Variants in ART3 observed in about 807,000 individuals in gnomAD.
The protein encoded by ART3 is ecto-ADP-ribosyltransferase 3.
ART3 carries 49 observed loss-of-function variants against 48.5 expected under a neutral mutation model. The observed-to-expected ratio is 1.01, with a 90% confidence interval of 0.80 to 1.28. The LOEUF (loss-of-function observed/expected upper bound fraction) is 1.28, where lower values mean the gene tolerates loss of function less well. Among genes scored for constraint, ART3 ranks in the 50% most tolerant of loss-of-function variants. The pLI is 0.00. For synonymous variants in ART3, 145 were observed against 157.2 expected, an observed-to-expected ratio of 0.92 and a Z score of 0.58; for missense variants, 438 against 454.3, an observed-to-expected ratio of 0.96 and a Z score of 0.33.
chr4:76,051,796 C>T (rs1029672629), intron 1 of ART3, among the ~76,000 whole-genome samples: 7 of 152,020 alleles, frequency 4.6e-5, no homozygotes, highest in Non-Finnish European at 7.4e-5. Context: ...CCCACCTCAA[C>T]CTCCCAAAGT....
chr4:76,079,198 G>C (rs978967959), intron 2 of ART3, among the ~76,000 whole-genome samples: 1 of 127,760 alleles, frequency 7.8e-6, no homozygotes, highest in Non-Finnish European at 1.6e-5. Flanking sequence ...AAAAAAAGGC[G>C]GGGGGCTAAT....
Position 76,075,972 on chromosome 4 carries a change from T to A in ART3, c.69+14T>A. 6.3e-7 allele frequency: 1 copy of A among 1,588,142 alleles called. No individual in the cohort carries two copies. Among genetic ancestry groups the A allele is most frequent in the Admixed American group, 1.7e-5 (1 of 58,388 alleles). The stretch of plus-strand genomic sequence containing the variant: ...GACATTTTCCAGGTAATGTTGGGAA[T>A]GGGAAGCATGTGGTCATTGGAATGG... On this transcript the variant is annotated intron_variant, in intron 2 of 11. Coordinates refer to ENST00000355810, the MANE Select transcript of ART3 (RefSeq NM_001130016.3).
intron 1 of ART3, among the ~76,000 whole-genome samples, chr4:76,018,595 T>C (rs551065351): frequency 5.9e-5 from 9 of 152,040 alleles, no homozygotes; most frequent in East Asian, 3.9e-4. Context: ...AAAATAAAAG[T>C]TGGAAAGAAA....
intron 1 of ART3, among the ~76,000 whole-genome samples, chr4:76,016,415 A>G (rs1732260416): frequency 6.6e-6 from 1 of 152,132 alleles, no homozygotes; most frequent in African/African-American, 2.4e-5. Flanking sequence ...TTTCTCCTAA[A>G]CAAATGAAGT....
intron 1 of ART3, among the ~76,000 whole-genome samples, chr4:76,048,877 T>A (rs4541534): frequency 6.6e-6 from 1 of 151,498 alleles, no homozygotes. Flanking sequence ...CCTGTTAGTA[T>A]TGGGACTTTA....
intron 1 of ART3, among the ~76,000 whole-genome samples, chr4:76,060,587 A>G (rs931043723): frequency 6.8e-6 from 1 of 146,304 alleles, no homozygotes; most frequent in Non-Finnish European, 1.5e-5. Flanking sequence ...AATATGTTAT[A>G]TTACATGGCA....
At chr4:76,091,362 AG>A in intron 3 of ART3, among the ~76,000 whole-genome samples, 1 of 152,238 alleles carries the variant, frequency 6.6e-6, no homozygotes, top group Non-Finnish European at 1.5e-5. Flanking sequence ...CATTCTCACC[AG>A]GAGTGTATAA....
chr4:76,023,491 A>G (rs1733082390), intron 1 of ART3: 40 of 1,482,018 alleles, frequency 2.7e-5, no homozygotes, highest in Non-Finnish European at 3.8e-5. Flanking sequence ...CAATTGAGGA[A>G]TGTCTCAGAA....
intron 10 of ART3, 25 bp from the exon 11 acceptor site, chr4:76,107,736 A>T: frequency 7.3e-7 from 1 of 1,369,246 alleles, no homozygotes; most frequent in Non-Finnish European, 1.0e-6. Context: ...CAATATAACT[A>T]ACTCAAAATC....
chr4:76,038,631 C>T (rs1158643672), intron 1 of ART3, among the ~76,000 whole-genome samples: 2 of 152,160 alleles, frequency 1.3e-5, no homozygotes, highest in Admixed American at 1.3e-4. Flanking sequence ...GCATTAGAAA[C>T]ACAGTAGAGC....
At chr4:76,089,539 T>C (rs1724362156) in intron 3 of ART3, among the ~76,000 whole-genome samples, 1 of 152,152 alleles carries the variant, frequency 6.6e-6, no homozygotes. Context: ...TGAGTGTAAG[T>C]TTCCTGAGGC....
upstream of ART3, among the ~76,000 whole-genome samples, chr4:76,070,732 C>G (rs150355236): frequency 9.9e-5 from 15 of 152,222 alleles, no homozygotes; most frequent in East Asian, 2.7e-3. Context: ...ATTCTTTCTC[C>G]AATTTCTTCA....
At chr4:76,016,794 G>A (rs1453638002) in intron 1 of ART3, among the ~76,000 whole-genome samples, 1 of 152,176 alleles carries the variant, frequency 6.6e-6, no homozygotes, top group Non-Finnish European at 1.5e-5. Context: ...ATGAGACAAA[G>A]TCTTTCCCAT....
At chr4:76,021,258 T>A in intron 1 of ART3, 1 of 152,382 alleles carries the variant, frequency 6.6e-6, no homozygotes, top group Middle Eastern at 3.4e-3. Flanking sequence ...CATATATCTA[T>A]CTGTATTTTT....
intron 1 of ART3, among the ~76,000 whole-genome samples, chr4:76,046,206 G>A (rs1735486879): frequency 6.6e-6 from 1 of 152,014 alleles, no homozygotes; most frequent in South Asian, 2.1e-4. Flanking sequence ...TGGGACGTGT[G>A]GTCTGTGGGA....
intron 10 of ART3, among the ~76,000 whole-genome samples, chr4:76,106,792 T>C (rs1728569921): frequency 6.6e-6 from 1 of 152,154 alleles, no homozygotes; most frequent in South Asian, 2.1e-4. Context: ...GTTTGCTCCT[T>C]CTGGCTGCTT....
chr4:76,074,849 C>A (rs193225955), intron 1 of ART3, 30 bp downstream of exon 1: 1 of 152,138 alleles, frequency 6.6e-6, no homozygotes. Flanking sequence ...TACACTCAGA[C>A]TAAAGAAATG....
intron 1 of ART3, among the ~76,000 whole-genome samples, chr4:76,059,292 A>C (rs891226679): frequency 4.6e-5 from 7 of 151,694 alleles, no homozygotes; most frequent in African/African-American, 1.5e-4. Context: ...AGAATCTAAT[A>C]GCAGATATTT....
In ART3 at chr4:76,060,462, G is replaced by A. The variant is rs115011984; in HGVS notation, c.-9-15419G>A. Among the ~76,000 whole-genome samples, 1,499 of 152,160 alleles carry A rather than the reference G, an allele frequency of 9.9e-3. 13 individuals carry two copies. The highest frequency in any genetic ancestry group is 0.034 in the Middle Eastern group (10 of 294). On this transcript the variant is annotated intron_variant, in intron 1 of 9. Coordinates refer to the ART3 transcript ENST00000341029. ...TGTCTCTCTCTGCACCTAAATGCTA[G>A]TGTTCTCTAGGGTATTATGCTCTCT... is the stretch of plus-strand genomic sequence containing the variant.
Sources: allele counts gnomAD v4.1 joint callset (sites outside exome capture counted in the v4.1 genomes callset), GRCh38; gene constraint gnomAD v4.1.1; transcripts MANE v1.5; gene names NCBI Gene and HGNC (gene_info 2026-07-23, HGNC 2026-07-21).